The following FSTL4 variants were observed in gnomAD, a reference collection of about 807,000 sequenced individuals.
The protein encoded by FSTL4 is follistatin like 4.
FSTL4 carries 28 observed loss-of-function variants against 78.2 expected under a neutral mutation model. The observed-to-expected ratio is 0.36, with a 90% confidence interval of 0.27 to 0.49. FSTL4 has a LOEUF of 0.49. Ranked by LOEUF, FSTL4 falls within the 20% of genes least tolerant of loss-of-function variation. The probability of loss-of-function intolerance (pLI) is 0.98; values close to 1 mark genes in which losing one functional copy is unlikely to be tolerated. For missense variants in FSTL4, 922 were observed against 1,084.9 expected, an observed-to-expected ratio of 0.85 and a Z score of 2.11; for synonymous variants, 422 against 440.5, an observed-to-expected ratio of 0.96 and a Z score of 0.53.
At chr5:133,563,448 A>T (rs1759963855) in intron 3 of FSTL4, among the ~76,000 whole-genome samples, 1 of 152,214 alleles carries the variant, frequency 6.6e-6, no homozygotes, top group Non-Finnish European at 1.5e-5. Flanking sequence ...CCCTACTAAA[A>T]ATTAACATGA....
chr5:133,797,031 T>C, the FSTL4 span, among the ~76,000 whole-genome samples: 4 of 152,146 alleles, frequency 2.6e-5, no homozygotes, highest in Non-Finnish European at 5.9e-5. Context: ...CTCTTGTTAA[T>C]GGAAAAAGCA....
intron 3 of FSTL4, among the ~76,000 whole-genome samples, chr5:133,462,931 G>A (rs1052816938): frequency 1.2e-4 from 19 of 152,336 alleles, no homozygotes; most frequent in African/African-American, 4.6e-4. Flanking sequence ...CCTGGGCCAA[G>A]GTCTCAGAGA....
chr5:133,649,928 CAA>C, the FSTL4 span, among the ~76,000 whole-genome samples: 6 of 146,352 alleles, frequency 4.1e-5, no homozygotes, highest in Middle Eastern at 3.5e-3. Context: ...TAATTTATCA[CAA>C]AAAAAAAAAG....
At chr5:133,310,619 C>G (rs1581609566) in intron 6 of FSTL4, among the ~76,000 whole-genome samples, 1 of 152,204 alleles carries the variant, frequency 6.6e-6, no homozygotes, top group South Asian at 2.1e-4. Context: ...CCAAGCAGTG[C>G]TATAATCTGC....
Position 133,338,080 on chromosome 5 carries a change from C to T in FSTL4, c.410-21428G>A, listed in dbSNP as rs1405520860. On this transcript the variant is annotated intron_variant, in intron 4 of 15. Transcript: ENST00000265342. The surrounding 1 kb of genome is among the most constrained non-coding windows in gnomAD (Gnocchi z 4.0). Reference sequence around the variant, plus strand: ...ATCACAGGATGTATCCGAGTGTGAGCTTAACTCTCTGGGTCCCTGGTGTGC... The same window carrying T: ...ATCACAGGATGTATCCGAGTGTGAGTTTAACTCTCTGGGTCCCTGGTGTGC... 6.6e-6 allele frequency among the ~76,000 whole-genome samples: 1 copy of T among 152,124 alleles called. No homozygotes were observed. Among genetic ancestry groups the T allele is most frequent in the Non-Finnish European group, 1.5e-5 (1 of 68,020 alleles).
the FSTL4 span, among the ~76,000 whole-genome samples, chr5:133,652,653 G>A: frequency 6.6e-6 from 1 of 152,170 alleles, no homozygotes; most frequent in African/African-American, 2.4e-5. Flanking sequence ...TCGTAAGCAT[G>A]TTAAGGTGTG....
At chr5:133,817,238 G>A in the FSTL4 span, among the ~76,000 whole-genome samples, 1 of 152,228 alleles carries the variant, frequency 6.6e-6, no homozygotes, top group South Asian at 2.1e-4. Flanking sequence ...AGAGGCTCAG[G>A]TCACACTGCA....
At chr5:133,648,821 C>T in the FSTL4 span, among the ~76,000 whole-genome samples, 2 of 152,146 alleles carry the variant, frequency 1.3e-5, no homozygotes, top group Admixed American at 1.3e-4. Flanking sequence ...TCAGCATCCC[C>T]CACAAGAGTG....
intron 3 of FSTL4, among the ~76,000 whole-genome samples, chr5:133,564,372 G>C (rs1380098405): frequency 6.6e-6 from 1 of 152,158 alleles, no homozygotes; most frequent in Non-Finnish European, 1.5e-5. Context: ...TCTAATGATA[G>C]CCATAGAACA....
the FSTL4 span, among the ~76,000 whole-genome samples, chr5:133,647,251 A>G: frequency 6.6e-6 from 1 of 152,132 alleles, no homozygotes; most frequent in Non-Finnish European, 1.5e-5. Flanking sequence ...GAATATCTGA[A>G]CAACCCACCC....
intron 2 of FSTL4, among the ~76,000 whole-genome samples, chr5:133,598,600 A>C (rs1331773923): frequency 6.6e-6 from 1 of 152,180 alleles, no homozygotes; most frequent in Non-Finnish European, 1.5e-5. Context: ...CAGAATAATC[A>C]GCAGAAAGCC....
chr5:133,738,642 G>A, the FSTL4 span, among the ~76,000 whole-genome samples: 2 of 152,152 alleles, frequency 1.3e-5, no homozygotes, highest in African/African-American at 4.8e-5. Flanking sequence ...CTGTCTTACG[G>A]CTGCCCCTTG....
chr5:133,598,901 C>T (rs532439110), intron 2 of FSTL4, among the ~76,000 whole-genome samples: 1 of 152,316 alleles, frequency 6.6e-6, no homozygotes, highest in South Asian at 2.1e-4. Context: ...AAAATGCGAA[C>T]GTCCAGCTTG....
intron 3 of FSTL4, among the ~76,000 whole-genome samples, chr5:133,537,655 T>C (rs968490683): frequency 9.2e-5 from 14 of 152,064 alleles, no homozygotes; most frequent in Non-Finnish European, 1.9e-4. Context: ...GCAGGTGCTC[T>C]CATCCTGCTC....
At chr5:133,462,294 C>T (rs1757608611) in intron 3 of FSTL4, among the ~76,000 whole-genome samples, 1 of 152,234 alleles carries the variant, frequency 6.6e-6, no homozygotes, top group Admixed American at 6.5e-5. Flanking sequence ...AGGGGCAGGG[C>T]CTGGGAGCTT....
chr5:133,420,293 T>C (rs116502861), intron 3 of FSTL4, among the ~76,000 whole-genome samples: 283 of 152,326 alleles, frequency 1.9e-3, no homozygotes, highest in Non-Finnish European at 3.0e-3. Context: ...TTGATAGCAA[T>C]GTTTTATATC....
At chr5:133,711,789 C>T in the FSTL4 span, among the ~76,000 whole-genome samples, 3 of 152,196 alleles carry the variant, frequency 2.0e-5, no homozygotes, top group African/African-American at 4.8e-5. Flanking sequence ...CATTCCATTT[C>T]GTGGACTGAC....
At chr5:133,414,129 A>C (rs995751862) in intron 3 of FSTL4, among the ~76,000 whole-genome samples, 1 of 152,190 alleles carries the variant, frequency 6.6e-6, no homozygotes, top group Non-Finnish European at 1.5e-5. Flanking sequence ...CGGGCACCCA[A>C]GGACTCCACC....
chr5:133,515,976 G>A (rs1758843446), intron 3 of FSTL4, among the ~76,000 whole-genome samples: 1 of 151,778 alleles, frequency 6.6e-6, no homozygotes, highest in South Asian at 2.1e-4. Context: ...CTCATGAAAA[G>A]TAATGCAAAA....
Sources: gnomAD v4.1 joint callset for allele counts (sites outside exome capture counted in the v4.1 genomes callset) on GRCh38, gnomAD v4.1.1 for gene constraint, Gnocchi (gnomAD v3.1) non-coding constraint, MANE v1.5 for transcripts, NCBI Gene and HGNC (gene_info 2026-07-23, HGNC 2026-07-21) for gene names.